Variants in SPAG17 observed in about 807,000 individuals in gnomAD.
SPAG17 encodes sperm-associated antigen 17.
A neutral mutation model predicts 273.6 loss-of-function variants in SPAG17; 169 were observed. The observed-to-expected ratio is 0.62, with a 90% CI of 0.55 to 0.70. The LOEUF is 0.70. Among genes scored for constraint, SPAG17 ranks in the 30% least tolerant of loss-of-function variants. The pLI is 0.00. For missense variants in SPAG17, 2,557 were observed against 2,627.8 expected (o/e 0.97, Z 0.59); for synonymous variants, 825 against 873.2 (o/e 0.94, Z 0.97).
At chr1:118,009,650 G>C (rs1010225750) in intron 30 of SPAG17, among the ~76,000 whole-genome samples, 6 of 152,124 alleles carry the variant, frequency 3.9e-5, no homozygotes, top group Non-Finnish European at 7.4e-5. Flanking sequence ...ATCTAGGACA[G>C]ATGAATATGG....
In SPAG17 at chr1:118,185,218, G is replaced by T; in HGVS notation, c.-61C>A. 1.5e-6 allele frequency: 2 copies of T among 1,366,852 alleles called. No individual in the cohort carries two copies. The highest frequency in any genetic ancestry group is 2.1e-6 in the Non-Finnish European group (2 of 955,696). 84.7% of individuals were successfully genotyped at this position (1,366,852 alleles called of 1,614,324 possible). On this transcript the variant is annotated 5_prime_UTR_variant, in exon 1 of 49. Transcript: ENST00000336338. The stretch of plus-strand genomic sequence containing the variant: ...GCGCAGGCCCTGCCTAAGCGTCCCC[G>T]CTACCACAGTAACCGAAGCCACGCC...
intron 48 of SPAG17, chr1:117,962,796 A>G (rs899074044): frequency 1.3e-5 from 2 of 152,214 alleles, no homozygotes; most frequent in Non-Finnish European, 2.9e-5. Context: ...CAGGAAAGCA[A>G]TGGTATCTGT....
At chr1:117,963,190 C>A (rs1653335315) in intron 48 of SPAG17, 1 of 152,128 alleles carries the variant, frequency 6.6e-6, no homozygotes, top group Admixed American at 6.5e-5. Flanking sequence ...TATCCCTTCC[C>A]CTTGAGTATG....
intron 3 of SPAG17, among the ~76,000 whole-genome samples, chr1:118,148,425 A>G (rs1659184749): frequency 6.6e-6 from 1 of 152,220 alleles, no homozygotes; most frequent in Non-Finnish European, 1.5e-5. Flanking sequence ...TCAGGTGGCC[A>G]GCTTTTATTC....
intron 3 of SPAG17, among the ~76,000 whole-genome samples, chr1:118,148,180 C>G (rs17037931): frequency 6.6e-6 from 1 of 151,964 alleles, no homozygotes; most frequent in Admixed American, 6.5e-5. Flanking sequence ...GCAAGACTTT[C>G]GCTCCTCAGG....
chr1:118,136,983 G>A (rs1228634935), intron 3 of SPAG17, among the ~76,000 whole-genome samples: 1 of 152,170 alleles, frequency 6.6e-6, no homozygotes, highest in Non-Finnish European at 1.5e-5. Context: ...GGGGGAAAGA[G>A]CAAATCAGAA....
chr1:118,124,511 C>G (rs963907375), intron 3 of SPAG17, among the ~76,000 whole-genome samples: 3 of 152,146 alleles, frequency 2.0e-5, no homozygotes, highest in African/African-American at 4.8e-5. Context: ...AATGGCATCT[C>G]TAGAGCTTTT....
chr1:117,970,998 T>G (rs1479695840), intron 45 of SPAG17, among the ~76,000 whole-genome samples: 1 of 152,058 alleles, frequency 6.6e-6, no homozygotes, highest in African/African-American at 2.4e-5. Flanking sequence ...GGGATTTGCC[T>G]CAACTGAAAT....
chr1:118,111,398 C>T (rs1570713433), intron 4 of SPAG17, among the ~76,000 whole-genome samples: 2 of 152,206 alleles, frequency 1.3e-5, no homozygotes, highest in South Asian at 2.1e-4. Flanking sequence ...GCAAGTTATT[C>T]CTTTCCTGAA....
intron 18 of SPAG17, among the ~76,000 whole-genome samples, chr1:118,062,851 C>G (rs1652492257): frequency 6.6e-6 from 1 of 152,252 alleles, no homozygotes; most frequent in Admixed American, 6.5e-5. Flanking sequence ...TATTAAACAA[C>G]AGAGCAAGTA....
intron 23 of SPAG17, among the ~76,000 whole-genome samples, chr1:118,039,013 G>A (rs12125194): frequency 0.37 from 55,973 of 151,768 alleles, 11,398 homozygotes; most frequent in Non-Finnish European, 0.46. Context: ...ACATGTGTAC[G>A]GGAAGAGGGC....
chr1:118,048,672 C>T (rs1650645823), intron 20 of SPAG17, among the ~76,000 whole-genome samples: 2 of 152,042 alleles, frequency 1.3e-5, no homozygotes, highest in South Asian at 2.1e-4. Flanking sequence ...CCAAGGTGGG[C>T]AGATCACAAG....
intron 15 of SPAG17, among the ~76,000 whole-genome samples, chr1:118,080,463 A>G (rs990318710): frequency 6.6e-6 from 1 of 152,186 alleles, no homozygotes; most frequent in Non-Finnish European, 1.5e-5. Context: ...GTTTTGGGAA[A>G]AGTAATTTGA....
At chr1:118,019,028 T>C (rs550585961) in intron 28 of SPAG17, among the ~76,000 whole-genome samples, 103 of 109,132 alleles carry the variant, frequency 9.4e-4, no homozygotes, top group African/African-American at 4.2e-3. Flanking sequence ...AGTGAGACCA[T>C]GTCTCAAAAA....
intron 25 of SPAG17, among the ~76,000 whole-genome samples, chr1:118,030,767 G>T (rs2101880005): frequency 2.6e-5 from 4 of 152,224 alleles, no homozygotes; most frequent in Middle Eastern, 6.8e-3. Context: ...CAAAGGACAT[G>T]AACTCATTCT....
In SPAG17 at chr1:118,185,143, C is replaced by T; in HGVS notation, c.15G>A (p.Lys5=). Residue 5 remains lysine (K), a synonymous_variant, in exon 1 of 49, where the codon AAG becomes AAA. Coordinates refer to ENST00000336338, the MANE Select transcript of SPAG17 (RefSeq NM_206996.4). ...TGGTGTTCACAGTTCCTCCTTTCTC[C>T]TTCTTGGGTGCCATGCAAAGGACGG... MAPK[K]EKGGTVNTSS... is the part of the protein sequence containing the mutation. 1 of 1,614,038 alleles carries T rather than the reference C, an allele frequency of 6.2e-7. No individual in the cohort carries two copies. The highest frequency in any genetic ancestry group is 8.5e-7 in the Non-Finnish European group (1 of 1,179,890).
intron 3 of SPAG17, among the ~76,000 whole-genome samples, chr1:118,143,388 T>C (rs1393648454): frequency 6.6e-6 from 1 of 152,172 alleles, no homozygotes; most frequent in African/African-American, 2.4e-5. Flanking sequence ...TTCATAGGTA[T>C]CTGAAAGGTT....
At chr1:117,988,498 T>C (rs1338341581) in intron 38 of SPAG17, among the ~76,000 whole-genome samples, 3 of 152,236 alleles carry the variant, frequency 2.0e-5, no homozygotes, top group Admixed American at 1.3e-4. Flanking sequence ...TCCTCATATC[T>C]GAAGCAGCAA....
chr1:118,083,349 G>A (rs941021460), intron 13 of SPAG17, among the ~76,000 whole-genome samples: 3 of 152,124 alleles, frequency 2.0e-5, no homozygotes, highest in African/African-American at 7.2e-5. Flanking sequence ...TCAGGTGGTT[G>A]TGTGGAAAAA....
Sources: allele counts gnomAD v4.1 joint callset (sites outside exome capture counted in the v4.1 genomes callset), GRCh38; gene constraint gnomAD v4.1.1; transcripts MANE v1.5; gene names NCBI Gene and HGNC (gene_info 2026-07-23, HGNC 2026-07-21).